PDE6C: variants seen among roughly 807,000 people sequenced by gnomAD.
PDE6C encodes cone cGMP-specific 3',5'-cyclic phosphodiesterase subunit alpha'.
A neutral mutation model predicts 113.1 loss-of-function variants in PDE6C; 75 were observed. The observed-to-expected ratio is 0.66, with a 90% CI of 0.55 to 0.80. PDE6C has a LOEUF of 0.80. Among genes scored for constraint, PDE6C ranks in the 30% least tolerant of loss-of-function variants. PDE6C has a pLI of 0.00. For synonymous variants in PDE6C, 375 were observed against 363.7 expected, an observed-to-expected ratio of 1.03 and a Z score of -0.35; for missense variants, 912 against 1,038.6, an observed-to-expected ratio of 0.88 and a Z score of 1.67.
chr10:93,635,701 C>A, intron 10 of PDE6C, 61 bp downstream of exon 10: 1 of 1,530,954 alleles, frequency 6.5e-7, no homozygotes, highest in South Asian at 1.1e-5. Context: ...TTCTAGAAGT[C>A]ATCTAATTAC....
chr10:93,623,274 T>C (rs774437875), intron 4 of PDE6C, among the ~76,000 whole-genome samples: 3 of 152,254 alleles, frequency 2.0e-5, no homozygotes, highest in Middle Eastern at 3.2e-3. Flanking sequence ...CTTAGAGAGA[T>C]AGCTGCTCAG....
chr10:93,621,727 C>T (rs949079013), intron 3 of PDE6C, among the ~76,000 whole-genome samples: 3 of 152,170 alleles, frequency 2.0e-5, no homozygotes, highest in Non-Finnish European at 2.9e-5. Context: ...TCCATAGACC[C>T]GCAGCCTTGC....
rs566501091 is a variant in PDE6C, at chr10:93,612,869, G to T, written c.144G>T (p.Met48Ile). 13 of 1,614,174 alleles carry T rather than the reference G, an allele frequency of 8.1e-6. No individual in the cohort carries two copies. Among genetic ancestry groups the T allele is most frequent in the Non-Finnish European group, 1.1e-5 (13 of 1,180,036 alleles). The change falls in exon 1 of 22, where the codon ATG (methionine) becomes ATT (isoleucine). Residue 48 changes from methionine to isoleucine, a missense_variant. Transcript: ENST00000371447. ...GCCAGGTGCCAGTCCAGTCCAGCAT[G>T]TCCTTCTCTGAGCTGACCCAGGTGG... Reference protein sequence around the residue: ...KNSQVPVQSSMSFSELTQVEE... With the variant: ...KNSQVPVQSSISFSELTQVEE...
At chr10:93,653,677 CA>C (rs1211277229) in intron 15 of PDE6C, among the ~76,000 whole-genome samples, 1 of 149,512 alleles carries the variant, frequency 6.7e-6, no homozygotes, top group Admixed American at 6.8e-5. Flanking sequence ...AAAACAAAAA[CA>C]AAAAAAAACA....
At chr10:93,653,912 A>T (rs1441466731) in intron 15 of PDE6C, among the ~76,000 whole-genome samples, 1 of 152,200 alleles carries the variant, frequency 6.6e-6, no homozygotes, top group African/African-American at 2.4e-5. Flanking sequence ...TTAAGGGAAG[A>T]TTTATATAAG....
chr10:93,629,704 G>A (rs1356548551), intron 8 of PDE6C, among the ~76,000 whole-genome samples: 1 of 152,122 alleles, frequency 6.6e-6, no homozygotes, highest in Non-Finnish European at 1.5e-5. Flanking sequence ...CATAAGGACG[G>A]CACAACCCAG....
intron 15 of PDE6C, among the ~76,000 whole-genome samples, chr10:93,647,016 C>T (rs2058587782): frequency 6.6e-6 from 1 of 152,208 alleles, no homozygotes; most frequent in South Asian, 2.1e-4. Flanking sequence ...AGGAGCGGCT[C>T]AGCCCCTTGA....
intron 15 of PDE6C, among the ~76,000 whole-genome samples, chr10:93,654,794 CTTTCTTTCTTTCTTTCTTTTT>C (rs1227808474): frequency 1.4e-5 from 1 of 73,058 alleles, no homozygotes; most frequent in East Asian, 6.4e-4. Flanking sequence ...TTCTTTCTTT[CTTTCTTTCTTTCTTTCTTTTT>C]TTTTTTTTTT....
rs776688951 is a variant in PDE6C, at chr10:93,620,941, C to T, written c.684C>T (p.His228=). The change falls in exon 3 of 22, where the codon CAC becomes CAT. Residue 228 remains histidine (H), a synonymous_variant. Coordinates refer to ENST00000371447, the MANE Select transcript of PDE6C (RefSeq NM_006204.4). ...NFVSIILRLH[H]TSYMYNIESR... ...TGTCTATCATCCTAAGGCTTCATCACACCAGCTACATGTACAATATTGAAT... is the reference window on the plus strand; with the variant it reads ...TGTCTATCATCCTAAGGCTTCATCATACCAGCTACATGTACAATATTGAAT... The T allele has an allele frequency of 1.2e-6, 2 of 1,614,078 alleles. No homozygotes were observed. The highest frequency in any genetic ancestry group is 1.7e-6 in the Non-Finnish European group (2 of 1,179,934).
intron 1 of PDE6C, among the ~76,000 whole-genome samples, chr10:93,616,604 A>G (rs1254999518): frequency 1.3e-5 from 2 of 151,814 alleles, no homozygotes; most frequent in Non-Finnish European, 2.9e-5. Context: ...TGGCCAAAAA[A>G]TGGTCAATGA....
rs1407979316 is a variant in PDE6C, at chr10:93,620,943, C to A, written c.686C>A (p.Thr229Asn). ...FVSIILRLHH[T>N]SYMYNIESRR... ...TCTATCATCCTAAGGCTTCATCACACCAGCTACATGTACAATATTGAATCC... is the reference window on the plus strand; with the variant it reads ...TCTATCATCCTAAGGCTTCATCACAACAGCTACATGTACAATATTGAATCC... Residue 229 changes from threonine (T) to asparagine (N), a missense_variant, in exon 3 of 22, where the codon ACC (threonine) becomes AAC (asparagine). By Grantham distance (65) the Thr-to-Asn change is moderately conservative (BLOSUM62 0). Transcript: ENST00000371447. 2 of 1,613,872 alleles carry A rather than the reference C, an allele frequency of 1.2e-6. No homozygotes were observed.
At chr10:93,656,563 T>TTTA (rs938127992) in intron 16 of PDE6C, among the ~76,000 whole-genome samples, 9 of 151,422 alleles carry the variant, frequency 5.9e-5, no homozygotes, top group African/African-American at 1.2e-4. Flanking sequence ...TTATTTATTA[T>TTTA]TTATTATTAT....
At chr10:93,651,262 A>G (rs1036712480) in intron 15 of PDE6C, among the ~76,000 whole-genome samples, 5 of 152,156 alleles carry the variant, frequency 3.3e-5, no homozygotes, top group Non-Finnish European at 5.9e-5. Flanking sequence ...TCTCTCACCA[A>G]TTCTAAGGAG....
intron 10 of PDE6C, 76 bp from the exon 11 acceptor site, chr10:93,636,919 G>A: frequency 3.6e-6 from 3 of 823,296 alleles, no homozygotes; most frequent in South Asian, 2.8e-5. Context: ...TCTTAACTAA[G>A]ATTGTAATAG....
chr10:93,661,255 C>CA (rs2058664515), intron 18 of PDE6C, among the ~76,000 whole-genome samples: 1 of 152,160 alleles, frequency 6.6e-6, no homozygotes, highest in South Asian at 2.1e-4. Flanking sequence ...CACCTTCTCC[C>CA]ATGTCATTGC....
At chr10:93,630,796 G>A (rs537720825) in intron 8 of PDE6C, among the ~76,000 whole-genome samples, 1 of 152,232 alleles carries the variant, frequency 6.6e-6, no homozygotes, top group African/African-American at 2.4e-5. Context: ...GCTTCGTTAC[G>A]TGCATCTGCC....
intron 1 of PDE6C, among the ~76,000 whole-genome samples, chr10:93,615,202 G>A (rs1017248288): frequency 6.6e-6 from 1 of 152,136 alleles, no homozygotes; most frequent in African/African-American, 2.4e-5. Context: ...TGAGATGGGA[G>A]GATGGCCTGA....
At chr10:93,621,630 A>G (rs1176825182) in intron 3 of PDE6C, among the ~76,000 whole-genome samples, 4 of 152,168 alleles carry the variant, frequency 2.6e-5, no homozygotes, top group Admixed American at 2.0e-4. Flanking sequence ...TTCTCCGTCC[A>G]GGGACCATCC....
chr10:93,618,035 G>A (rs1379370927), intron 1 of PDE6C, among the ~76,000 whole-genome samples: 1 of 152,154 alleles, frequency 6.6e-6, no homozygotes, highest in Non-Finnish European at 1.5e-5. Context: ...AAAATGGATA[G>A]AAAAGAAATG....
Sources: gnomAD v4.1 joint callset for allele counts (sites outside exome capture counted in the v4.1 genomes callset) on GRCh38, gnomAD v4.1.1 for gene constraint, MANE v1.5 for transcripts, NCBI Gene and HGNC (gene_info 2026-07-23, HGNC 2026-07-21) for gene names.